The following MAT2B variants were observed in gnomAD, a reference collection of about 807,000 sequenced individuals.
MAT2B encodes the protein methionine adenosyltransferase 2 subunit beta.
A neutral mutation model predicts 36.1 loss-of-function variants in MAT2B; 16 were observed. The ratio of observed to expected loss-of-function variants is 0.44; its 90% confidence interval spans 0.30 to 0.67. The LOEUF (loss-of-function observed/expected upper bound fraction) is 0.67, where lower values mean the gene tolerates loss of function less well. MAT2B is among the 30% of genes least tolerant of loss of function. The pLI, the probability that MAT2B is intolerant of heterozygous loss-of-function variation, is 0.09. For missense variants in MAT2B, 332 were observed against 398.2 expected (o/e 0.83, Z 1.42); for synonymous variants, 148 against 136.9 (o/e 1.08, Z -0.57).
intron 1 of MAT2B, among the ~76,000 whole-genome samples, chr5:163,507,600 T>C (rs576125751): frequency 6.6e-6 from 1 of 152,360 alleles, no homozygotes; most frequent in Non-Finnish European, 1.5e-5. Context: ...TTGAGTGAAC[T>C]AGATAGCATT....
intron 2 of MAT2B, chr5:163,512,550 G>T: frequency 2.7e-6 from 1 of 375,572 alleles, no homozygotes; most frequent in Non-Finnish European, 5.1e-6. Flanking sequence ...AGAGGTTTTC[G>T]GTATCATTGA....
chr5:163,505,505 T>TG, upstream of MAT2B: 3 of 1,237,220 alleles, frequency 2.4e-6, no homozygotes, highest in Admixed American at 4.2e-5. Flanking sequence ...GCCCTCTTTC[T>TG]GGGGCGTCGG....
At chr5:163,512,478 T>C (rs1260708911) in intron 2 of MAT2B, 2 of 465,978 alleles carry the variant, frequency 4.3e-6, no homozygotes, top group Non-Finnish European at 7.8e-6. Context: ...CAAATGTTAC[T>C]GTAAACCTCA....
In MAT2B at chr5:163,513,617, T is replaced by G. The variant is rs760659097; in HGVS notation, c.321T>G (p.Asp107Glu). Residue 107 changes from aspartate (D) to glutamate (E), a missense_variant, in exon 3 of 7, where the codon GAT (aspartate) becomes GAG (glutamate). By Grantham distance (45) the Asp-to-Glu change is conservative. Coordinates refer to ENST00000321757, the MANE Select transcript of MAT2B (RefSeq NM_013283.5). The stretch of plus-strand genomic sequence containing the variant: ...CAGATGTTGTAGAAAATCAGCCAGA[T>G]GCTGCCTCTCAACTTAATGTGGATG... ...RRPDVVENQP[D>E]AASQLNVDAS... 1 of 1,614,052 alleles carries G rather than the reference T, an allele frequency of 6.2e-7. No individual in the cohort carries two copies. Among genetic ancestry groups the G allele is most frequent in the Non-Finnish European group, 8.5e-7 (1 of 1,179,934 alleles).
At chr5:163,503,332 A>G (rs1228760581), upstream of MAT2B, 3 of 1,518,244 alleles carry the variant, frequency 2.0e-6, no homozygotes. Flanking sequence ...ACAAAGACCC[A>G]GCAAGAGAAG....
At chr5:163,512,264 A>G (rs970615499) in intron 2 of MAT2B, 68 bp downstream of exon 2, 9 of 1,322,926 alleles carry the variant, frequency 6.8e-6, no homozygotes, top group African/African-American at 2.9e-5. Context: ...TACAGAAACT[A>G]TCCTTGCTCT....
intron 4 of MAT2B, among the ~76,000 whole-genome samples, chr5:163,514,743 C>G (rs1441200663): frequency 6.6e-6 from 1 of 152,158 alleles, no homozygotes; most frequent in Non-Finnish European, 1.5e-5. Context: ...TTAGACTGTA[C>G]TATGGCCTTG....
At chr5:163,516,458 T>A in intron 4 of MAT2B, 60 bp from the exon 5 acceptor site, 1 of 1,389,610 alleles carries the variant, frequency 7.2e-7, no homozygotes, top group Non-Finnish European at 1.0e-6. Flanking sequence ...CACCCTTGTA[T>A]CTTACATCAA....
At chr5:163,516,316 C>G (rs1760132771) in intron 4 of MAT2B, among the ~76,000 whole-genome samples, 1 of 152,158 alleles carries the variant, frequency 6.6e-6, no homozygotes, top group Non-Finnish European at 1.5e-5. Context: ...TCCCAAAGTG[C>G]TAGCATTATA....
At chr5:163,512,310 T>A in intron 2 of MAT2B, 114 bp downstream of exon 2, 1 of 913,084 alleles carries the variant, frequency 1.1e-6, no homozygotes, top group Non-Finnish European at 1.8e-6. Flanking sequence ...TCTAAAGTTG[T>A]ATTATGCAGT....
At chr5:163,517,347 T>G in intron 5 of MAT2B, 1 of 301,958 alleles carries the variant, frequency 3.3e-6, no homozygotes, top group Non-Finnish European at 6.1e-6. Flanking sequence ...ATTTTAAAAA[T>G]TCTTAAGGTT....
intron 1 of MAT2B, among the ~76,000 whole-genome samples, chr5:163,507,687 C>T (rs1057420236): frequency 6.6e-6 from 1 of 152,228 alleles, no homozygotes; most frequent in East Asian, 1.9e-4. Context: ...TTATGGAGTG[C>T]AGGTCCAAAG....
intron 2 of MAT2B, chr5:163,512,829 C>CG (rs1467365344): frequency 2.9e-6 from 1 of 346,720 alleles, no homozygotes; most frequent in African/African-American, 2.3e-5. Context: ...TACAGGCATG[C>CG]GCAACCACAC....
At chr5:163,508,596 GTT>G (rs1325544313) in intron 1 of MAT2B, among the ~76,000 whole-genome samples, 1 of 151,992 alleles carries the variant, frequency 6.6e-6, no homozygotes, top group Non-Finnish European at 1.5e-5. Flanking sequence ...TAACACGTTA[GTT>G]TTCTTTTTTT....
rs756774813 is a variant in MAT2B at position 163,518,259 on chromosome 5, G to T, written c.901G>T (p.Glu301Ter). The stretch of plus-strand genomic sequence containing the variant: ...TGCTCAGCTTGACTGCTCCAAATTG[G>T]AGACCTTGGGCATTGGCCAACGAAC... Reference protein sequence around the residue: ...RNAQLDCSKLETLGIGQRTPF... With the variant: ...RNAQLDCSKL Residue 301 changes from glutamate to a stop codon, truncating the protein, a stop_gained, in exon 7 of 7, where the codon GAG becomes TAG. Transcript: ENST00000321757. LOFTEE classifies it high-confidence loss of function. 4 of 1,613,870 alleles carry T rather than the reference G, an allele frequency of 2.5e-6. No homozygotes were observed. The South Asian group carries it at 4.4e-5, about 18-fold the overall frequency.
At position 163,513,827 on chromosome 5, in the gene MAT2B, C is replaced by T. The variant is rs1760088882; in HGVS notation, c.374-15C>T. 2 of 1,600,510 alleles carry T rather than the reference C, an allele frequency of 1.2e-6. No individual in the cohort carries two copies. Among genetic ancestry groups the T allele is most frequent in the African/African-American group, 1.3e-5 (1 of 74,118 alleles). On this transcript the variant is annotated splice_polypyrimidine_tract_variant and intron_variant, in intron 3 of 6. Coordinates refer to ENST00000321757, the MANE Select transcript of MAT2B (RefSeq NM_013283.5). ...TCATGTAAACATTTAATAGATTTGTCTTCTTTTTTTGTAGCTGCTGTTGGA... is the reference window on the plus strand; with the variant it reads ...TCATGTAAACATTTAATAGATTTGTTTTCTTTTTTTGTAGCTGCTGTTGGA...
intron 4 of MAT2B, among the ~76,000 whole-genome samples, chr5:163,515,421 A>G (rs1346294561): frequency 6.6e-6 from 1 of 152,204 alleles, no homozygotes; most frequent in African/African-American, 2.4e-5. Context: ...TGCCAGACCC[A>G]TTGATAATTA....
At chr5:163,514,058 A>G in intron 4 of MAT2B, 64 bp downstream of exon 4, 3 of 1,285,696 alleles carry the variant, frequency 2.3e-6, no homozygotes, top group African/African-American at 1.5e-5. Flanking sequence ...TTATACATAC[A>G]CATATATATG....
upstream of MAT2B, chr5:163,505,577 T>C (rs1759914041): frequency 8.0e-7 from 1 of 1,245,076 alleles, no homozygotes; most frequent in African/African-American, 1.6e-5. Context: ...GCGAGCGGGG[T>C]CGTTCTGGGC....
Sources: gnomAD v4.1 joint callset for allele counts (sites outside exome capture counted in the v4.1 genomes callset) on GRCh38, gnomAD v4.1.1 for gene constraint, MANE v1.5 for transcripts, NCBI Gene and HGNC (gene_info 2026-07-23, HGNC 2026-07-21) for gene names.